Variants in SLC13A3 observed in about 807,000 individuals in gnomAD.
The protein encoded by SLC13A3 is Na(+)/dicarboxylate cotransporter 3.
In SLC13A3, 40 loss-of-function variants were observed where a neutral mutation model predicts 59.0. That is an observed-to-expected ratio of 0.68 (90% CI 0.53 to 0.88). SLC13A3 has a LOEUF of 0.88. SLC13A3 is among the 40% of genes least tolerant of loss of function. The probability of loss-of-function intolerance (pLI) is 0.00; values close to 1 mark genes in which losing one functional copy is unlikely to be tolerated. For missense variants in SLC13A3, 699 were observed against 783.2 expected (o/e 0.89, Z 1.28); for synonymous variants, 317 against 330.3 (o/e 0.96, Z 0.44).
intron 1 of SLC13A3, among the ~76,000 whole-genome samples, chr20:46,645,493 A>T (rs1228158294): frequency 6.6e-6 from 1 of 152,114 alleles, no homozygotes; most frequent in East Asian, 1.9e-4. Flanking sequence ...CTATCAGTCA[A>T]CCTCAGCATC....
chr20:46,587,269 G>A lies in SLC13A3; in HGVS notation c.1121+790C>T, dbSNP rs3091863. On this transcript the variant is annotated intron_variant, in intron 8 of 12. Coordinates refer to ENST00000279027, the MANE Select transcript of SLC13A3 (RefSeq NM_022829.6). ...CCTTTACAACAAGTCAATGAAAAAC[G>A]TACTAGTATAATATCATTTTACAGA... is the stretch of plus-strand genomic sequence containing the variant. Among the ~76,000 whole-genome samples the A allele has an allele frequency of 7.7e-3, 1,170 of 152,166 alleles. 17 individuals are homozygous for A. Among genetic ancestry groups the A allele is most frequent in the African/African-American group, 0.027 (1,110 of 41,526 alleles).
At chr20:46,590,016 A>G (rs932660811) in intron 6 of SLC13A3, among the ~76,000 whole-genome samples, 1 of 152,224 alleles carries the variant, frequency 6.6e-6, no homozygotes, top group African/African-American at 2.4e-5. Flanking sequence ...AATAGGCAAC[A>G]GTTTCTTCAA....
In SLC13A3 at chr20:46,592,418, C is replaced by G; in HGVS notation, c.906G>C (p.Gly302=). ...AGWLWISFLY[G]GLSFRGWRKN... is the part of the protein sequence containing the mutation. The stretch of plus-strand genomic sequence containing the variant: ...ATGAGAGGTACCTGAAGCTCAGTCC[C>G]CCGTACAGGAAGGAGATCCAGAGCC... Residue 302 remains glycine (G), a synonymous_variant, in exon 6 of 13, where the codon GGG becomes GGC. Coordinates refer to ENST00000279027, the MANE Select transcript of SLC13A3 (RefSeq NM_022829.6). 2 of 1,613,936 alleles carry G rather than the reference C, an allele frequency of 1.2e-6. No homozygotes were observed. Among genetic ancestry groups the G allele is most frequent in the East Asian group, 2.2e-5 (1 of 44,884 alleles).
chr20:46,642,937 C>T (rs2062858957), intron 1 of SLC13A3, among the ~76,000 whole-genome samples: 1 of 152,192 alleles, frequency 6.6e-6, no homozygotes, highest in Non-Finnish European at 1.5e-5. Flanking sequence ...CAGGGGTCTC[C>T]TCCTGTCTGC....
At chr20:46,681,115 G>A (rs747716522) in intron 1 of SLC13A3, among the ~76,000 whole-genome samples, 8 of 152,234 alleles carry the variant, frequency 5.3e-5, no homozygotes, top group Admixed American at 3.3e-4. Flanking sequence ...CCCAGGCCGC[G>A]GCTGGACCTT....
chr20:46,572,945 C>G (rs562399869), intron 10 of SLC13A3, among the ~76,000 whole-genome samples: 40 of 152,208 alleles, frequency 2.6e-4, no homozygotes, highest in African/African-American at 8.7e-4. Flanking sequence ...CTAAGACACC[C>G]CCAGCAGGAG....
chr20:46,655,413 T>C (rs1401246230), upstream of SLC13A3, among the ~76,000 whole-genome samples: 1 of 149,522 alleles, frequency 6.7e-6, no homozygotes, highest in Non-Finnish European at 1.5e-5. Context: ...TTATGCAGGC[T>C]TTACAGGAAG....
rs113971069 is a variant in SLC13A3 at position 46,666,679 on chromosome 20, T to C, written c.-31+3364A>G. 4.5e-3 allele frequency among the ~76,000 whole-genome samples: 685 copies of C among 152,196 alleles called. 3 individuals are homozygous for C. The highest frequency in any genetic ancestry group is 0.016 in the African/African-American group (663 of 41,532). On this transcript the variant is annotated intron_variant, in intron 1 of 12. Coordinates refer to the SLC13A3 transcript ENST00000290317. ...CCACCATGCCTGGCTAATTTTTAAA[T>C]TTTTTGTAGAGATAGAGTCTTGCTA...
chr20:46,563,596 A>G, intron 11 of SLC13A3, 45 bp from the exon 12 acceptor site: 1 of 1,550,292 alleles, frequency 6.5e-7, no homozygotes. Context: ...AGACCAACGC[A>G]GAGCGACCAC....
intron 1 of SLC13A3, among the ~76,000 whole-genome samples, chr20:46,644,306 T>C (rs773773213): frequency 1.4e-4 from 21 of 152,242 alleles, no homozygotes; most frequent in South Asian, 8.3e-4. Flanking sequence ...CTCAAACATA[T>C]GAACCCATTT....
upstream of SLC13A3, among the ~76,000 whole-genome samples, chr20:46,654,343 C>A (rs949603694): frequency 6.6e-6 from 1 of 152,158 alleles, no homozygotes; most frequent in Non-Finnish European, 1.5e-5. Flanking sequence ...CTAGGTATTA[C>A]ATTGCATGTA....
At chr20:46,620,863 A>G (rs2062607034) in intron 1 of SLC13A3, among the ~76,000 whole-genome samples, 1 of 152,186 alleles carries the variant, frequency 6.6e-6, no homozygotes, top group East Asian at 1.9e-4. Flanking sequence ...TGTAGACAAG[A>G]GCAGAACTGT....
intron 9 of SLC13A3, 175 bp downstream of exon 9, chr20:46,583,397 G>T: frequency 7.1e-7 from 1 of 1,408,108 alleles, no homozygotes; most frequent in South Asian, 1.6e-5. Context: ...CCCTGTCCTG[G>T]ACTACCACCT....
intron 1 of SLC13A3, among the ~76,000 whole-genome samples, chr20:46,642,270 C>G (rs1441039839): frequency 1.3e-5 from 2 of 152,228 alleles, no homozygotes; most frequent in Non-Finnish European, 2.9e-5. Context: ...TGGGCAGGAG[C>G]TGGATGACAC....
At chr20:46,669,030 G>A (rs1022328681) in intron 1 of SLC13A3, among the ~76,000 whole-genome samples, 4 of 152,190 alleles carry the variant, frequency 2.6e-5, no homozygotes, top group Non-Finnish European at 5.9e-5. Flanking sequence ...GGACAGATAA[G>A]GAAACTGAGA....
At chr20:46,590,831 C>A (rs1468830654) in intron 6 of SLC13A3, among the ~76,000 whole-genome samples, 2 of 151,956 alleles carry the variant, frequency 1.3e-5, no homozygotes, top group African/African-American at 4.8e-5. Context: ...TTCCTTTGAG[C>A]TACAGCTGCA....
At chr20:46,569,792 T>C (rs1026083314) in intron 10 of SLC13A3, among the ~76,000 whole-genome samples, 1 of 152,006 alleles carries the variant, frequency 6.6e-6, no homozygotes, top group Non-Finnish European at 1.5e-5. Context: ...GGAGATGGAG[T>C]TGGTACAGTG....
In SLC13A3 at chr20:46,647,926, G is replaced by A. The variant is rs73908953; in HGVS notation, c.111+3385C>T. 2.6e-3 allele frequency among the ~76,000 whole-genome samples: 401 copies of A among 152,232 alleles called. 1 individual carries two copies. Among genetic ancestry groups the A allele is most frequent in the African/African-American group, 9.2e-3 (382 of 41,532 alleles). ...TTCCTGATGTGATATCTGCAGTTTC[G>A]CAAGTTGTTAGTGATCCATGTATAC... On this transcript the variant is annotated intron_variant, in intron 1 of 12. Coordinates refer to ENST00000279027, the MANE Select transcript of SLC13A3 (RefSeq NM_022829.6).
chr20:46,582,994 T>A (rs1717793439), intron 9 of SLC13A3: 1 of 985,762 alleles, frequency 1.0e-6, no homozygotes, highest in African/African-American at 1.7e-5. Context: ...CCCCAACACT[T>A]CCTATACGGT....
Sources: allele counts gnomAD v4.1 joint callset (sites outside exome capture counted in the v4.1 genomes callset), GRCh38; gene constraint gnomAD v4.1.1; transcripts MANE v1.5; gene names NCBI Gene and HGNC (gene_info 2026-07-23, HGNC 2026-07-21).